ADK: variants seen among roughly 807,000 people sequenced by gnomAD.
ADK encodes N6,N6-dimethyladenosine kinase.
Under a neutral mutation model 44.7 loss-of-function variants are expected in ADK, and 24 were observed. The observed-to-expected ratio is 0.54, with a 90% confidence interval of 0.39 to 0.76. The LOEUF (loss-of-function observed/expected upper bound fraction) is 0.76, where lower values mean the gene tolerates loss of function less well. Among genes scored for constraint, ADK ranks in the 30% least tolerant of loss-of-function variants. The probability of loss-of-function intolerance (pLI) is 0.00; values close to 1 mark genes in which losing one functional copy is unlikely to be tolerated. For synonymous variants in ADK, 128 were observed against 142.6 expected (o/e 0.90, Z 0.73); for missense variants, 321 against 425.1 (o/e 0.76, Z 2.15).
At chr10:74,559,935 C>CT (rs201999281) in intron 7 of ADK, among the ~76,000 whole-genome samples, 5 of 149,728 alleles carry the variant, frequency 3.3e-5, no homozygotes, top group Admixed American at 1.3e-4. Context: ...TGTCCATTGA[C>CT]TTTTTTTTTG....
At chr10:74,605,407 A>G (rs1852283876) in intron 9 of ADK, among the ~76,000 whole-genome samples, 1 of 152,194 alleles carries the variant, frequency 6.6e-6, no homozygotes, top group Non-Finnish European at 1.5e-5. Context: ...TATTATTTTA[A>G]GATATGTTCC....
intron 4 of ADK, chr10:74,371,690 G>A: frequency 8.4e-7 from 1 of 1,188,522 alleles, no homozygotes; most frequent in Non-Finnish European, 1.2e-6. Context: ...TAAATCTGAA[G>A]AGGACCTGGG....
chr10:74,217,975 C>G (rs1405204643), intron 2 of ADK, among the ~76,000 whole-genome samples: 1 of 152,190 alleles, frequency 6.6e-6, no homozygotes, highest in Non-Finnish European at 1.5e-5. Flanking sequence ...CTCTCCTCCT[C>G]CAAAGGATCG....
intron 3 of ADK, among the ~76,000 whole-genome samples, chr10:74,229,381 A>T (rs1173008592): frequency 6.8e-6 from 1 of 146,392 alleles, no homozygotes; most frequent in Non-Finnish European, 1.5e-5. Context: ...AGACAATAAC[A>T]TCTGGTATGC....
chr10:74,176,672 C>A (rs1274032922), intron 1 of ADK: 3 of 1,430,622 alleles, frequency 2.1e-6, no homozygotes, highest in Non-Finnish European at 1.8e-6. Context: ...GCCCTTCGCA[C>A]GGGGCGGAGC....
intron 10 of ADK, among the ~76,000 whole-genome samples, chr10:74,698,012 G>C (rs375946616): frequency 2.1e-4 from 32 of 152,234 alleles, no homozygotes; most frequent in African/African-American, 7.5e-4. Flanking sequence ...AAGATAATAG[G>C]CTACACCAAT....
chr10:74,250,196 G>A (rs1181737774), intron 3 of ADK, among the ~76,000 whole-genome samples: 1 of 152,174 alleles, frequency 6.6e-6, no homozygotes, highest in African/African-American at 2.4e-5. Flanking sequence ...TGTGATGATG[G>A]CTATGATATA....
intron 4 of ADK, among the ~76,000 whole-genome samples, chr10:74,317,000 C>T (rs1026118180): frequency 3.9e-5 from 6 of 152,208 alleles, no homozygotes; most frequent in Non-Finnish European, 8.8e-5. Flanking sequence ...CTTTGGGTAA[C>T]TTATTCTGTC....
chr10:74,318,443 C>T (rs191082239), intron 4 of ADK, among the ~76,000 whole-genome samples: 82 of 152,188 alleles, frequency 5.4e-4, no homozygotes, highest in African/African-American at 1.7e-3. Flanking sequence ...ATTACAGGTG[C>T]GAACCATTTT....
At chr10:74,484,843 CAAA>C (rs531758560) in intron 6 of ADK, among the ~76,000 whole-genome samples, 2,047 of 151,988 alleles carry the variant, frequency 0.013, 26 homozygotes, top group Non-Finnish European at 0.021. Flanking sequence ...TTTTTCATAA[CAAA>C]AAAGTGAAAT....
intron 1 of ADK, among the ~76,000 whole-genome samples, chr10:74,199,523 C>A (rs1843296190): frequency 6.6e-6 from 1 of 151,980 alleles, no homozygotes; most frequent in East Asian, 1.9e-4. Flanking sequence ...TGATTTCGTT[C>A]TTTTTTTATG....
chr10:74,652,765 G>GA (rs371385934), intron 9 of ADK, among the ~76,000 whole-genome samples: 160 of 133,412 alleles, frequency 1.2e-3, no homozygotes, highest in African/African-American at 3.4e-3. Flanking sequence ...GTATCAAAAA[G>GA]AAAAAAAAAA....
At chr10:74,245,791 A>G (rs765078062) in intron 3 of ADK, among the ~76,000 whole-genome samples, 1 of 152,038 alleles carries the variant, frequency 6.6e-6, no homozygotes, top group Non-Finnish European at 1.5e-5. Flanking sequence ...GGGTTTCACC[A>G]TATTGGTCAG....
chr10:74,703,140 A>T (rs771917328), intron 10 of ADK, among the ~76,000 whole-genome samples: 4 of 152,142 alleles, frequency 2.6e-5, no homozygotes, highest in Non-Finnish European at 4.4e-5. Context: ...ATATTAGACA[A>T]ATCCAAAATT....
intron 3 of ADK, among the ~76,000 whole-genome samples, chr10:74,314,442 G>A (rs1017665892): frequency 2.0e-5 from 3 of 151,946 alleles, no homozygotes; most frequent in African/African-American, 4.8e-5. Flanking sequence ...TGGACAGTCT[G>A]TTTTAAATTC....
intron 6 of ADK, among the ~76,000 whole-genome samples, chr10:74,406,931 G>A (rs983120678): frequency 1.1e-4 from 16 of 151,112 alleles, no homozygotes; most frequent in Non-Finnish European, 1.9e-4. Context: ...TGCTTGCCTC[G>A]GCCTCCCAAA....
intron 1 of ADK, among the ~76,000 whole-genome samples, chr10:74,162,794 T>C (rs1356095854): frequency 6.6e-6 from 1 of 151,976 alleles, no homozygotes; most frequent in Non-Finnish European, 1.5e-5. Flanking sequence ...CTGCCTGGCT[T>C]GGCCTCCCAA....
rs1169082152 is a variant in ADK at position 74,531,165 on chromosome 10, GA to G, written c.726+5740del. On this transcript the variant is annotated intron_variant, in intron 7 of 10. Coordinates refer to ENST00000539909, the MANE Select transcript of ADK (RefSeq NM_006721.4). Reference sequence around the variant, plus strand: ...GACCACAAAAAGAACCACCTAAAAAGATTGTAGAAGACAATCCTCAGTGCAC... The same window carrying G: ...GACCACAAAAAGAACCACCTAAAAAGTTGTAGAAGACAATCCTCAGTGCAC... 6.6e-5 allele frequency among the ~76,000 whole-genome samples: 10 copies of G among 152,268 alleles called. No homozygotes were observed. In the East Asian group the frequency reaches 1.9e-3, roughly 29 times the overall value.
At chr10:74,280,415 A>AACACACAC (rs71021599) in intron 3 of ADK, among the ~76,000 whole-genome samples, 10,946 of 144,316 alleles carry the variant, frequency 0.076, 513 homozygotes, top group Middle Eastern at 0.1. Context: ...AACAAGTTTA[A>AACACACAC]ACACACACAC....
Sources: allele counts gnomAD v4.1 joint callset (sites outside exome capture counted in the v4.1 genomes callset), GRCh38; gene constraint gnomAD v4.1.1; transcripts MANE v1.5; gene names NCBI Gene and HGNC (gene_info 2026-07-23, HGNC 2026-07-21).